AUTS2: variants seen among roughly 807,000 people sequenced by gnomAD.
AUTS2 encodes autism susceptibility gene 2 protein.
Under a neutral mutation model 112.4 loss-of-function variants are expected in AUTS2, and 17 were observed. The observed-to-expected ratio is 0.15, with a 90% CI of 0.10 to 0.23. The LOEUF is 0.23. Among genes scored for constraint, AUTS2 ranks in the 10% least tolerant of loss-of-function variants. The probability of loss-of-function intolerance (pLI) is 1.00; values close to 1 mark genes in which losing one functional copy is unlikely to be tolerated. For synonymous variants in AUTS2, 751 were observed against 702.7 expected, an observed-to-expected ratio of 1.07 and a Z score of -1.09; for missense variants, 1,510 against 1,701.6, an observed-to-expected ratio of 0.89 and a Z score of 1.98.
intron 2 of AUTS2, among the ~76,000 whole-genome samples, chr7:69,984,456 T>A (rs1350099030): frequency 1.3e-5 from 2 of 151,852 alleles, no homozygotes; most frequent in Non-Finnish European, 2.9e-5. Context: ...GTGAAAAATT[T>A]GATAGGTTCT....
chr7:69,803,323 G>A (rs1790165293), intron 1 of AUTS2, among the ~76,000 whole-genome samples: 1 of 152,100 alleles, frequency 6.6e-6, no homozygotes, highest in Admixed American at 6.5e-5. Flanking sequence ...TGTCACATGT[G>A]GTCACTTTCT....
intron 4 of AUTS2, among the ~76,000 whole-genome samples, chr7:70,401,893 T>G (rs1794340949): frequency 6.6e-6 from 1 of 152,170 alleles, no homozygotes; most frequent in Admixed American, 6.5e-5. Flanking sequence ...ATTTGAAAAT[T>G]TTCTTTACAA....
At position 70,404,115 on chromosome 7, in the gene AUTS2, G is replaced by A. The variant is rs562482400; in HGVS notation, c.661-31637G>A. 4.6e-5 allele frequency among the ~76,000 whole-genome samples: 7 copies of A among 152,240 alleles called. No individual in the cohort carries two copies. The South Asian group carries it at 1.2e-3, about 27-fold the overall frequency. Reference sequence around the variant, plus strand: ...TGTTTTATAACACTGTCTAAGACTCGAGTGTAAAATCCATCATCCATCACC... The same window carrying A: ...TGTTTTATAACACTGTCTAAGACTCAAGTGTAAAATCCATCATCCATCACC... On this transcript the variant is annotated intron_variant, in intron 4 of 18. Coordinates refer to ENST00000342771, the MANE Select transcript of AUTS2 (RefSeq NM_015570.4).
chr7:69,655,772 G>C (rs960595765), intron 1 of AUTS2, among the ~76,000 whole-genome samples: 1 of 152,150 alleles, frequency 6.6e-6, no homozygotes, highest in Admixed American at 6.5e-5. Flanking sequence ...AGTGTCTCAG[G>C]GGAGGGCCGT....
chr7:70,298,018 G>T (rs116717502), intron 4 of AUTS2, among the ~76,000 whole-genome samples: 9,180 of 151,156 alleles, frequency 0.061, 308 homozygotes, highest in Admixed American at 0.11. Context: ...TCTTTTTTTG[G>T]TTTTTTTTGG....
intron 15 of AUTS2, 51 bp from the exon 16 acceptor site, chr7:70,784,891 T>C (rs1183604440): frequency 1.3e-5 from 20 of 1,575,418 alleles, no homozygotes; most frequent in Non-Finnish European, 1.7e-5. Flanking sequence ...CGGTTGCATC[T>C]TCGAAGTTGG....
chr7:70,166,342 A>G (rs1425261401), intron 4 of AUTS2, among the ~76,000 whole-genome samples: 2 of 152,206 alleles, frequency 1.3e-5, no homozygotes, highest in East Asian at 3.8e-4. Context: ...ATGGCTTGCA[A>G]AGTCTAAATT....
chr7:70,381,477 C>A (rs908248053), intron 4 of AUTS2, among the ~76,000 whole-genome samples: 4 of 152,132 alleles, frequency 2.6e-5, no homozygotes, highest in Non-Finnish European at 4.4e-5. Flanking sequence ...ATTAAGCAAG[C>A]CTTGGGAGAA....
At chr7:70,633,269 C>T (rs1805363403) in intron 5 of AUTS2, among the ~76,000 whole-genome samples, 1 of 152,178 alleles carries the variant, frequency 6.6e-6, no homozygotes, top group Admixed American at 6.5e-5. Context: ...ACAGCTCACT[C>T]ACCCATCCAT....
intron 2 of AUTS2, among the ~76,000 whole-genome samples, chr7:70,075,874 T>G (rs1418493816): frequency 6.6e-6 from 1 of 152,204 alleles, no homozygotes; most frequent in Non-Finnish European, 1.5e-5. Flanking sequence ...TTCCTTCTTC[T>G]GCAGCAGAGA....
chr7:69,736,036 G>A (rs1562847192), intron 1 of AUTS2, among the ~76,000 whole-genome samples: 2 of 152,172 alleles, frequency 1.3e-5, no homozygotes, highest in East Asian at 1.9e-4. Flanking sequence ...TTTCCAGTAC[G>A]TAGACTAGCA....
intron 4 of AUTS2, among the ~76,000 whole-genome samples, chr7:70,364,401 A>G (rs1293631201): frequency 1.3e-5 from 2 of 151,780 alleles, no homozygotes; most frequent in African/African-American, 4.8e-5. Flanking sequence ...AGTCTCTACT[A>G]AAAATACAAA....
chr7:70,192,046 C>A (rs1373131571), intron 4 of AUTS2, among the ~76,000 whole-genome samples: 1 of 151,884 alleles, frequency 6.6e-6, no homozygotes, highest in Non-Finnish European at 1.5e-5. Context: ...TGAAACCTAA[C>A]TCCTTGTTTT....
chr7:69,724,226 A>G (rs183815231), intron 1 of AUTS2, among the ~76,000 whole-genome samples: 1 of 152,312 alleles, frequency 6.6e-6, no homozygotes, highest in African/African-American at 2.4e-5. Flanking sequence ...TTTGTCTGTA[A>G]AATGATTAAA....
At chr7:70,231,095 C>T (rs1422322796) in intron 4 of AUTS2, among the ~76,000 whole-genome samples, 1 of 152,158 alleles carries the variant, frequency 6.6e-6, no homozygotes, top group Non-Finnish European at 1.5e-5. Context: ...TGGTCAATTT[C>T]CAGTGTCCTT....
intron 5 of AUTS2, among the ~76,000 whole-genome samples, chr7:70,524,527 A>C (rs1468904873): frequency 4.6e-5 from 7 of 152,182 alleles, no homozygotes; most frequent in Admixed American, 4.6e-4. Context: ...CCCTGGCAGA[A>C]AGAAATGGCC....
At chr7:69,833,922 G>T (rs1782060177) in intron 1 of AUTS2, among the ~76,000 whole-genome samples, 1 of 152,154 alleles carries the variant, frequency 6.6e-6, no homozygotes, top group Admixed American at 6.5e-5. Context: ...TATGGTCATG[G>T]TTGGACTCCA....
chr7:69,764,248 C>T (rs1189811365), intron 1 of AUTS2, among the ~76,000 whole-genome samples: 12 of 152,256 alleles, frequency 7.9e-5, no homozygotes, highest in Middle Eastern at 3.4e-3. Context: ...TCCTGAAGTG[C>T]CATGAAGTGG....
intron 2 of AUTS2, among the ~76,000 whole-genome samples, chr7:70,063,358 A>G (rs2129561182): frequency 6.6e-6 from 1 of 152,098 alleles, no homozygotes; most frequent in East Asian, 1.9e-4. Context: ...ATAAAAATCC[A>G]TTTACACATT....
Sources: gnomAD v4.1 joint callset for allele counts (sites outside exome capture counted in the v4.1 genomes callset) on GRCh38, gnomAD v4.1.1 for gene constraint, MANE v1.5 for transcripts, NCBI Gene and HGNC (gene_info 2026-07-23, HGNC 2026-07-21) for gene names.